CLMN: variants seen among roughly 807,000 people sequenced by gnomAD.
CLMN encodes the protein calmin.
CLMN carries 57 observed loss-of-function variants against 92.7 expected under a neutral mutation model. That is an observed-to-expected ratio of 0.61 (90% CI 0.50 to 0.77). The LOEUF (loss-of-function observed/expected upper bound fraction) is 0.77, where lower values mean the gene tolerates loss of function less well. CLMN is among the 30% of genes least tolerant of loss of function. The probability of loss-of-function intolerance (pLI) is 0.00; values close to 1 mark genes in which losing one functional copy is unlikely to be tolerated. For missense variants in CLMN, 1,158 were observed against 1,237.5 expected (o/e 0.94, Z 0.96); for synonymous variants, 466 against 470.6 (o/e 0.99, Z 0.13).
At chr14:95,236,106 T>C (rs1489879955) in intron 1 of CLMN, among the ~76,000 whole-genome samples, 2 of 152,246 alleles carry the variant, frequency 1.3e-5, no homozygotes, top group Non-Finnish European at 2.9e-5. Context: ...GTCTCTTCTG[T>C]AAGCCTCAAA....
At chr14:95,209,901 C>CT (rs1276751977) in intron 7 of CLMN, among the ~76,000 whole-genome samples, 2 of 152,236 alleles carry the variant, frequency 1.3e-5, no homozygotes, top group African/African-American at 2.4e-5. Flanking sequence ...CTCTCCCCCT[C>CT]TGTCATTCTG....
At chr14:95,238,096 G>T (rs1007612731) in intron 1 of CLMN, among the ~76,000 whole-genome samples, 9 of 152,128 alleles carry the variant, frequency 5.9e-5, no homozygotes, top group African/African-American at 2.2e-4. Context: ...GTGTAGAGGA[G>T]CCAGCCCTCA....
chr14:95,225,829 TGG>T (rs1209502597), intron 2 of CLMN, among the ~76,000 whole-genome samples: 2 of 152,244 alleles, frequency 1.3e-5, no homozygotes, highest in Non-Finnish European at 2.9e-5. Context: ...CTTTCCTCTC[TGG>T]GCCTAGACCT....
intron 7 of CLMN, 143 bp downstream of exon 7, chr14:95,210,543 C>A: frequency 1.4e-6 from 1 of 702,462 alleles, no homozygotes; most frequent in Non-Finnish European, 2.3e-6. Flanking sequence ...GGAAAAATAT[C>A]CATATGATCT....
At position 95,256,396 on chromosome 14, in the gene CLMN, C is replaced by G. The variant is rs550347707; in HGVS notation, c.83-26263G>C. ...TCTTGGCTGAGGAAATTGCTACCAA[C>G]GACACTGTGACTCAACAGATAATTG... is the stretch of plus-strand genomic sequence containing the variant. On this transcript the variant is annotated intron_variant, in intron 1 of 12. Transcript: ENST00000298912. This position sits in a 1 kb window ranked among gnomAD's most constrained non-coding sequence, Gnocchi z 4.9. Among the ~76,000 whole-genome samples, 7 of 152,320 alleles carry G rather than the reference C, an allele frequency of 4.6e-5. No homozygotes were observed. The highest frequency in any genetic ancestry group is 7.2e-5 in the African/African-American group (3 of 41,576).
At chr14:95,291,211 C>T (rs148470224) in intron 1 of CLMN, among the ~76,000 whole-genome samples, 33 of 152,356 alleles carry the variant, frequency 2.2e-4, no homozygotes, top group Non-Finnish European at 4.1e-4. Flanking sequence ...CCCAGCTGAG[C>T]CTGGGCGTGA....
At chr14:95,225,873 CTG>C (rs1286445841) in intron 2 of CLMN, among the ~76,000 whole-genome samples, 2 of 152,242 alleles carry the variant, frequency 1.3e-5, no homozygotes, top group Non-Finnish European at 2.9e-5. Flanking sequence ...TGAACTGACA[CTG>C]TTTGGTTCCA....
intron 5 of CLMN, 36 bp from the exon 6 acceptor site, chr14:95,213,445 G>A (rs369641649): frequency 4.8e-5 from 75 of 1,568,360 alleles, no homozygotes; most frequent in Non-Finnish European, 5.9e-5. Flanking sequence ...CCCAGCAACA[G>A]ACCCACCCTC....
chr14:95,271,041 C>T (rs1003565792), intron 1 of CLMN, among the ~76,000 whole-genome samples: 2 of 152,168 alleles, frequency 1.3e-5, no homozygotes, highest in Non-Finnish European at 2.9e-5. Context: ...TTAAGTGGTA[C>T]TTCATTTCCA....
intron 6 of CLMN, among the ~76,000 whole-genome samples, chr14:95,211,527 C>T (rs1034575066): frequency 3.3e-5 from 5 of 151,996 alleles, no homozygotes; most frequent in African/African-American, 7.3e-5. Flanking sequence ...ATGGAGGCTA[C>T]CTCAACTTTT....
intron 1 of CLMN, among the ~76,000 whole-genome samples, chr14:95,316,139 T>C (rs1216916375): frequency 6.6e-6 from 1 of 152,218 alleles, no homozygotes; most frequent in African/African-American, 2.4e-5. Context: ...GGTACGGAAC[T>C]AAGGCGCAGA....
In CLMN at chr14:95,207,697, C is replaced by T. The variant is rs369272795; in HGVS notation, c.885+1698G>A. Among the ~76,000 whole-genome samples the T allele has an allele frequency of 4.3e-4, 66 of 152,344 alleles. 1 individual carries two copies. Among genetic ancestry groups the T allele is most frequent in the South Asian group, 4.1e-3 (20 of 4,832 alleles). On this transcript the variant is annotated intron_variant, in intron 8 of 12. Transcript: ENST00000298912. Reference sequence around the variant, plus strand: ...AAGTCACCAGCCTGAGGTCACACAGCTCCAAGTGGAGAACTGGCATTCCAG... The same window carrying T: ...AAGTCACCAGCCTGAGGTCACACAGTTCCAAGTGGAGAACTGGCATTCCAG...
intron 1 of CLMN, among the ~76,000 whole-genome samples, chr14:95,315,874 T>C (rs1350995575): frequency 6.6e-6 from 1 of 152,236 alleles, no homozygotes; most frequent in African/African-American, 2.4e-5. Context: ...CATTCTCCAA[T>C]GTCTGCAAGA....
At chr14:95,253,695 C>G (rs1310138166) in intron 1 of CLMN, among the ~76,000 whole-genome samples, 2 of 151,358 alleles carry the variant, frequency 1.3e-5, no homozygotes, top group East Asian at 3.9e-4. Flanking sequence ...TCACTGCAAG[C>G]TCCGCCTCCC....
At chr14:95,268,418 T>A (rs1027670468) in intron 1 of CLMN, among the ~76,000 whole-genome samples, 12 of 148,214 alleles carry the variant, frequency 8.1e-5, no homozygotes, top group African/African-American at 2.9e-4. Context: ...TACACCACCA[T>A]GATTCTTACT....
intron 1 of CLMN, among the ~76,000 whole-genome samples, chr14:95,318,151 G>T (rs779157887): frequency 3.9e-5 from 6 of 152,140 alleles, no homozygotes; most frequent in Non-Finnish European, 8.8e-5. Flanking sequence ...CGAAGCATTG[G>T]TTAGTATGTG....
rs146706338 is a variant in CLMN at position 95,221,755 on chromosome 14, G to A, written c.260C>T (p.Ser87Leu). The change falls in exon 4 of 13, where the codon TCG becomes TTG. Residue 87 changes from serine to leucine, a missense_variant. Coordinates refer to ENST00000298912, the MANE Select transcript of CLMN (RefSeq NM_024734.4). ...GRNLLHEYKSSSHRIFRLNNI... is the reference protein window; with the variant it reads ...GRNLLHEYKSLSHRIFRLNNI... ...GTTCAACCGAAAAATACGATGCGACGAGGATTTGTATTCGTGCAGCTATAA... is the reference window on the plus strand; with the variant it reads ...GTTCAACCGAAAAATACGATGCGACAAGGATTTGTATTCGTGCAGCTATAA... The A allele has an allele frequency of 6.1e-5, 99 of 1,614,146 alleles. No individual in the cohort carries two copies. The highest frequency in any genetic ancestry group is 7.5e-5 in the Non-Finnish European group (88 of 1,180,008).
chr14:95,306,996 C>T (rs1267525596), intron 1 of CLMN, among the ~76,000 whole-genome samples: 1 of 152,174 alleles, frequency 6.6e-6, no homozygotes, highest in Non-Finnish European at 1.5e-5. Flanking sequence ...ACAATGCAAG[C>T]CATATCCTCC....
intron 1 of CLMN, among the ~76,000 whole-genome samples, chr14:95,275,372 G>A (rs1212244563): frequency 6.6e-6 from 1 of 152,156 alleles, no homozygotes; most frequent in Non-Finnish European, 1.5e-5. Flanking sequence ...GACAATGAAA[G>A]TGACCTTTGG....
Sources: gnomAD v4.1 joint callset for allele counts (sites outside exome capture counted in the v4.1 genomes callset) on GRCh38, gnomAD v4.1.1 for gene constraint, Gnocchi (gnomAD v3.1) non-coding constraint, MANE v1.5 for transcripts, NCBI Gene and HGNC (gene_info 2026-07-23, HGNC 2026-07-21) for gene names.